MCTP1: variants seen among roughly 807,000 people sequenced by gnomAD.
MCTP1 encodes multiple C2 and transmembrane domain containing 1.
In MCTP1, 69 loss-of-function variants were observed where a neutral mutation model predicts 120.6. The ratio of observed to expected loss-of-function variants is 0.57; its 90% CI spans 0.47 to 0.70. The LOEUF (loss-of-function observed/expected upper bound fraction) is 0.70. MCTP1 is among the 30% of genes least tolerant of loss of function. The pLI, the probability that MCTP1 is intolerant of heterozygous loss-of-function variation, is 0.00. For missense variants in MCTP1, 1,203 were observed against 1,248.8 expected (o/e 0.96, Z 0.55); for synonymous variants, 529 against 493.1 (o/e 1.07, Z -0.96).
At chr5:94,911,175 T>C (rs1808464416) in intron 9 of MCTP1, among the ~76,000 whole-genome samples, 1 of 152,190 alleles carries the variant, frequency 6.6e-6, no homozygotes, top group Non-Finnish European at 1.5e-5. Flanking sequence ...ATCAAAAATC[T>C]ATAGAGATTA....
chr5:94,757,494 A>G (rs777889132), intron 19 of MCTP1, among the ~76,000 whole-genome samples: 5 of 152,228 alleles, frequency 3.3e-5, no homozygotes, highest in Non-Finnish European at 7.3e-5. Flanking sequence ...GTAGAAATCC[A>G]TTAGCCATGA....
chr5:95,109,434 A>C (rs545954261), intron 1 of MCTP1, among the ~76,000 whole-genome samples: 1 of 152,314 alleles, frequency 6.6e-6, no homozygotes, highest in Admixed American at 6.5e-5. Context: ...TCACCAAGGA[A>C]ACGCTTGATA....
chr5:95,267,837 C>A (rs1759029478), intron 1 of MCTP1, among the ~76,000 whole-genome samples: 1 of 152,232 alleles, frequency 6.6e-6, no homozygotes, highest in South Asian at 2.1e-4. Context: ...CCCATCTCCC[C>A]CAACACACAC....
rs5869665 is a variant in MCTP1 at position 95,029,155 on chromosome 5, CA to C, written c.721-11672del. 3.8e-4 allele frequency among the ~76,000 whole-genome samples: 52 copies of C among 135,964 alleles called. No homozygotes were observed. In the East Asian group the frequency reaches 4.7e-3, roughly 12 times the overall value. The allele number at this position is 135,964 out of a possible 152,430, so 89.2% of individuals were successfully genotyped here. On this transcript the variant is annotated intron_variant, in intron 1 of 22. Coordinates refer to ENST00000515393, the MANE Select transcript of MCTP1 (RefSeq NM_024717.7). The stretch of plus-strand genomic sequence containing the variant: ...TGGGTGACAGAGCGAGACTCCATCT[CA>C]AAAAAAAAAAAAAATGTAAAAGTGT...
At chr5:95,027,567 A>G (rs1329818217) in intron 1 of MCTP1, among the ~76,000 whole-genome samples, 1 of 152,204 alleles carries the variant, frequency 6.6e-6, no homozygotes, top group Non-Finnish European at 1.5e-5. Context: ...GGAAAACTAC[A>G]TATAGTAGAG....
At chr5:95,165,540 A>G (rs1746226764) in intron 1 of MCTP1, among the ~76,000 whole-genome samples, 1 of 152,224 alleles carries the variant, frequency 6.6e-6, no homozygotes, top group Non-Finnish European at 1.5e-5. Flanking sequence ...GGGGAATTCA[A>G]ATGTCTTGCA....
At chr5:94,972,967 G>T (rs1581644584) in intron 2 of MCTP1, among the ~76,000 whole-genome samples, 2 of 152,028 alleles carry the variant, frequency 1.3e-5, no homozygotes, top group Admixed American at 1.3e-4. Context: ...AGGAGGGAGA[G>T]AACTAACTTT....
intron 1 of MCTP1, among the ~76,000 whole-genome samples, chr5:95,260,510 G>A (rs1421237654): frequency 6.6e-6 from 1 of 152,102 alleles, no homozygotes; most frequent in South Asian, 2.1e-4. Flanking sequence ...TGGATGAGTG[G>A]CCGACTCTGG....
intron 1 of MCTP1, among the ~76,000 whole-genome samples, chr5:95,029,636 T>TG (rs35820325): frequency 0.79 from 119,774 of 151,962 alleles, 48,717 homozygotes; most frequent in Non-Finnish European, 0.91. Flanking sequence ...AGCACTTCTC[T>TG]CTCCTCTCAC....
At chr5:95,262,147 A>C (rs1193420115) in intron 1 of MCTP1, among the ~76,000 whole-genome samples, 1 of 152,226 alleles carries the variant, frequency 6.6e-6, no homozygotes, top group Non-Finnish European at 1.5e-5. Context: ...GGATCTGGGC[A>C]GAGACAGGTC....
chr5:95,016,040 C>A (rs1237049207), intron 2 of MCTP1, among the ~76,000 whole-genome samples: 1 of 152,072 alleles, frequency 6.6e-6, no homozygotes, highest in East Asian at 1.9e-4. Context: ...TAATTTGTGT[C>A]TTCTTTGGAA....
chr5:94,725,539 T>C (rs746275984), intron 19 of MCTP1, among the ~76,000 whole-genome samples: 1 of 152,254 alleles, frequency 6.6e-6, no homozygotes, highest in Non-Finnish European at 1.5e-5. Context: ...AAAAAACTTC[T>C]TTTGAAATTG....
chr5:94,907,699 C>T (rs1432337800), intron 10 of MCTP1, among the ~76,000 whole-genome samples: 2 of 151,460 alleles, frequency 1.3e-5, no homozygotes, highest in African/African-American at 2.4e-5. Flanking sequence ...ATGATCAGTC[C>T]CAATTGGCCT....
chr5:94,912,633 G>A (rs976183451), intron 9 of MCTP1, among the ~76,000 whole-genome samples, 173 bp downstream of exon 9: 6 of 151,896 alleles, frequency 4.0e-5, no homozygotes, highest in African/African-American at 1.5e-4. Flanking sequence ...AGGTCACCTA[G>A]TACATAAATT....
intron 1 of MCTP1, among the ~76,000 whole-genome samples, chr5:95,099,907 A>G (rs1315460244): frequency 6.6e-6 from 1 of 151,802 alleles, no homozygotes; most frequent in African/African-American, 2.4e-5. Flanking sequence ...GATTAAGAAA[A>G]TGTGGCACAT....
At chr5:94,878,495 C>T (rs757981731) in intron 12 of MCTP1, among the ~76,000 whole-genome samples, 5 of 151,942 alleles carry the variant, frequency 3.3e-5, no homozygotes, top group Non-Finnish European at 5.9e-5. Context: ...GGCTTTCAAC[C>T]TACTAGATCT....
chr5:94,850,547 T>C (rs1014635637), intron 17 of MCTP1, among the ~76,000 whole-genome samples: 10 of 152,132 alleles, frequency 6.6e-5, no homozygotes, highest in African/African-American at 1.9e-4. Context: ...TGTAAGTTAT[T>C]TACTGACAAG....
At chr5:94,863,406 G>A (rs555827244) in intron 17 of MCTP1, among the ~76,000 whole-genome samples, 9 of 151,930 alleles carry the variant, frequency 5.9e-5, no homozygotes, top group African/African-American at 1.4e-4. Flanking sequence ...GACTTGAAGC[G>A]TAATTTCATT....
At position 94,870,468 on chromosome 5, in the gene MCTP1, T is replaced by C; in HGVS notation, c.2265A>G (p.Leu755=). ...FNAVKASLRT[L]IPKEQKYIEE... is the part of the protein sequence containing the mutation. ...CAATGTACTTCTGTTCTTTGGGTAT[T>C]AATGTTCGTAAGCTGGCTTTCACCT... Residue 755 remains leucine, a synonymous_variant, in exon 16 of 23, where the codon TTA becomes TTG. Coordinates refer to ENST00000515393, the MANE Select transcript of MCTP1 (RefSeq NM_024717.7). The C allele has an allele frequency of 6.2e-7, 1 of 1,611,736 alleles. No homozygotes were observed. Among genetic ancestry groups the C allele is most frequent in the Non-Finnish European group, 8.5e-7 (1 of 1,178,022 alleles).
Sources: gnomAD v4.1 joint callset for allele counts (sites outside exome capture counted in the v4.1 genomes callset) on GRCh38, gnomAD v4.1.1 for gene constraint, MANE v1.5 for transcripts, NCBI Gene and HGNC (gene_info 2026-07-23, HGNC 2026-07-21) for gene names.